Variants in PRH1 observed in about 807,000 individuals in gnomAD.
The protein encoded by PRH1 is proline rich protein HaeIII subfamily 1, also known as salivary acidic proline-rich phosphoprotein 1/2.
A neutral mutation model predicts 7.9 loss-of-function variants in PRH1; 7 were observed. The observed-to-expected ratio is 0.89, with a 90% confidence interval of 0.50 to 1.67. PRH1 has a LOEUF of 1.67. Among genes scored for constraint, PRH1 ranks in the 40% most tolerant of loss-of-function variants. The probability of loss-of-function intolerance (pLI) is 0.00; values close to 1 mark genes in which losing one functional copy is unlikely to be tolerated. For synonymous variants in PRH1, 45 were observed against 80.8 expected (o/e 0.56, Z 2.38); for missense variants, 109 against 223.6 (o/e 0.49, Z 3.27).
Position 10,884,168 on chromosome 12 carries a change from T to G in PRH1, c.50A>C (p.Gln17Pro). Residue 17 changes from glutamine (Q) to proline (P), a missense_variant, in exon 1 of 4, where the codon CAG becomes CCG. Transcript: ENST00000543626. ...SVALLAFSSA[Q>P]DLNEDVSQED... Reference sequence around the variant, plus strand: ...ATTCATCTTACCTTCATTTAAATCCTGAGCTGAGCTGAAGGCCAGCAGGGC... The same window carrying G: ...ATTCATCTTACCTTCATTTAAATCCGGAGCTGAGCTGAAGGCCAGCAGGGC... The G allele has an allele frequency of 6.2e-7, 1 of 1,614,214 alleles. No individual in the cohort carries two copies. The highest frequency in any genetic ancestry group is 8.5e-7 in the Non-Finnish European group (1 of 1,180,032).
intron 1 of PRH1, among the ~76,000 whole-genome samples, chr12:11,062,460 T>A (rs1009083273): frequency 2.0e-5 from 3 of 152,094 alleles, no homozygotes; most frequent in South Asian, 4.1e-4. Flanking sequence ...GAAATCACCA[T>A]GGCATGCTAA....
At chr12:11,047,865 T>C (rs1472076182), upstream of PRH1, among the ~76,000 whole-genome samples, 1 of 152,218 alleles carries the variant, frequency 6.6e-6, no homozygotes, top group Admixed American at 6.5e-5. Context: ...TCATCATTAA[T>C]TTAGAATTGA....
At chr12:10,968,065 A>G (rs778882837) in intron 2 of PRH1, among the ~76,000 whole-genome samples, 1 of 152,196 alleles carries the variant, frequency 6.6e-6, no homozygotes, top group Non-Finnish European at 1.5e-5. Flanking sequence ...TGGGCTAGAG[A>G]GCGAGACTCC....
chr12:10,935,037 A>G (rs1440149533), intron 2 of PRH1, among the ~76,000 whole-genome samples: 2 of 152,186 alleles, frequency 1.3e-5, no homozygotes, highest in African/African-American at 4.8e-5. Context: ...GGATATTTTC[A>G]TAGTTTATCC....
At chr12:11,052,529 T>C (rs1943189643) in intron 1 of PRH1, among the ~76,000 whole-genome samples, 1 of 152,184 alleles carries the variant, frequency 6.6e-6, no homozygotes, top group African/African-American at 2.4e-5. Flanking sequence ...TTACTAAAGA[T>C]ATATGCTGGG....
chr12:10,992,403 C>T (rs73051617), intron 1 of PRH1, among the ~76,000 whole-genome samples: 147 of 132,508 alleles, frequency 1.1e-3, no homozygotes, highest in Non-Finnish European at 1.9e-3. Context: ...TTCGGTTGTT[C>T]GTTTTTTTTT....
intron 1 of PRH1, among the ~76,000 whole-genome samples, chr12:11,139,844 C>G (rs1946655725): frequency 6.6e-6 from 1 of 152,084 alleles, no homozygotes. Flanking sequence ...AATGATGGTA[C>G]AGATTTATCA....
At chr12:11,070,678 T>C (rs1249798116) in intron 1 of PRH1, among the ~76,000 whole-genome samples, 2 of 152,216 alleles carry the variant, frequency 1.3e-5, no homozygotes, top group Non-Finnish European at 2.9e-5. Flanking sequence ...TTGACGTTGC[T>C]GCAGACTCGT....
intron 2 of PRH1, among the ~76,000 whole-genome samples, chr12:10,943,539 A>G (rs114668160): frequency 0.02 from 3,014 of 152,032 alleles, 35 homozygotes; most frequent in South Asian, 0.032. Context: ...TACTCTGTTG[A>G]TATTTTCTTT....
chr12:11,094,569 G>A lies in PRH1; in HGVS notation n.124-47381C>T, dbSNP rs1489886714. Among the ~76,000 whole-genome samples the A allele has an allele frequency of 7.0e-5, 8 of 114,848 alleles. 1 individual carries two copies. The highest frequency in any genetic ancestry group is 2.3e-4 in the African/African-American group (8 of 34,308). 75.3% of individuals were successfully genotyped at this position (114,848 alleles called of 152,430 possible). On this transcript the variant is annotated intron_variant and non_coding_transcript_variant, in intron 1 of 4. Transcript: ENST00000541977. ...CCTTTGGAAAGATCTGGGGGTGGCAGATAACATCATCTCAAATTTTCTTAT... is the reference window on the plus strand; with the variant it reads ...CCTTTGGAAAGATCTGGGGGTGGCAAATAACATCATCTCAAATTTTCTTAT...
chr12:10,888,725 A>G (rs931847288), upstream of PRH1, among the ~76,000 whole-genome samples: 3 of 152,116 alleles, frequency 2.0e-5, no homozygotes, highest in Non-Finnish European at 4.4e-5. Context: ...TTTTGAGTGT[A>G]TCTCTCTGAA....
chr12:10,905,052 A>C (rs1245628816), intron 2 of PRH1, among the ~76,000 whole-genome samples: 1 of 151,676 alleles, frequency 6.6e-6, no homozygotes, highest in Non-Finnish European at 1.5e-5. Context: ...GCTGTGGAGC[A>C]ATGGGAACGC....
chr12:10,982,158 T>A (rs1004896555), intron 1 of PRH1, among the ~76,000 whole-genome samples: 8 of 152,158 alleles, frequency 5.3e-5, no homozygotes, highest in Non-Finnish European at 1.0e-4. Context: ...CTGACCTGTA[T>A]ACCAAGGGAC....
downstream of PRH1, among the ~76,000 whole-genome samples, chr12:11,119,060 A>G (rs1945815961): frequency 6.6e-6 from 1 of 151,296 alleles, no homozygotes; most frequent in Non-Finnish European, 1.5e-5. Context: ...GTGGAGTACT[A>G]TTCAGCCATT....
chr12:10,932,702 ACCTATTTTCC>A (rs1329277672), intron 2 of PRH1, among the ~76,000 whole-genome samples: 1 of 152,014 alleles, frequency 6.6e-6, no homozygotes, highest in Non-Finnish European at 1.5e-5. Context: ...AAGCCACTAG[ACCTATTTTCC>A]CCTATTTTAT....
rs1332138104 is a variant in PRH1 at position 11,090,552 on chromosome 12, A to C, written n.124-43364T>G. On this transcript the variant is annotated intron_variant and non_coding_transcript_variant, in intron 1 of 4. Coordinates refer to the PRH1 transcript ENST00000541977. ...GATACCAATCAAGATCATGATCATG[A>C]TGTTTCATCCCTTTATTAGAGAAGG... 1.8e-4 allele frequency among the ~76,000 whole-genome samples: 18 copies of C among 101,338 alleles called. 8 individuals are homozygous for C. Among genetic ancestry groups the C allele is most frequent in the Non-Finnish European group, 4.0e-4 (17 of 42,248 alleles). The allele number at this position is 101,338 out of a possible 152,430, so 66.5% of individuals were successfully genotyped here.
intron 1 of PRH1, among the ~76,000 whole-genome samples, chr12:11,014,246 C>T (rs940321682): frequency 2.5e-5 from 1 of 40,460 alleles, no homozygotes; most frequent in South Asian, 1.3e-3. Context: ...AGACCTTGGG[C>T]AGTCTGATAT....
chr12:10,950,489 T>A (rs1204645144), intron 2 of PRH1, among the ~76,000 whole-genome samples: 2 of 151,848 alleles, frequency 1.3e-5, no homozygotes, highest in Admixed American at 1.3e-4. Context: ...AAAAATTACA[T>A]ATTACTCTTT....
intron 1 of PRH1, chr12:11,165,960 T>C (rs1187101021): frequency 1.3e-5 from 2 of 152,258 alleles, no homozygotes; most frequent in Non-Finnish European, 2.9e-5. Context: ...GGTGGGGCAA[T>C]GGGAGCTCTT....
Sources: allele counts gnomAD v4.1 joint callset (sites outside exome capture counted in the v4.1 genomes callset), GRCh38; gene constraint gnomAD v4.1.1; transcripts MANE v1.5; gene names NCBI Gene and HGNC (gene_info 2026-07-23, HGNC 2026-07-21).